ERI3: variants seen among roughly 807,000 people sequenced by gnomAD.
ERI3 encodes the protein ERI1 exoribonuclease family member 3, also known as ERI1 exoribonuclease 3.
ERI3 carries 18 observed loss-of-function variants against 44.4 expected under a neutral mutation model. The observed-to-expected ratio is 0.41, with a 90% CI of 0.28 to 0.60. ERI3 has a LOEUF of 0.60. ERI3 is among the 20% of genes least tolerant of loss of function. The pLI is 0.36. For missense variants in ERI3, 294 were observed against 435.5 expected (o/e 0.68, Z 2.89); for synonymous variants, 183 against 164.8 (o/e 1.11, Z -0.84).
At chr1:44,322,794 T>C (rs1281126554) in intron 3 of ERI3, 1 of 1,550,042 alleles carries the variant, frequency 6.5e-7, no homozygotes, top group East Asian at 2.4e-5. Flanking sequence ...AACAGCCCAG[T>C]AGTGGGAGAG....
intron 7 of ERI3, among the ~76,000 whole-genome samples, chr1:44,248,603 G>A (rs1644602779): frequency 6.6e-6 from 1 of 152,110 alleles, no homozygotes; most frequent in South Asian, 2.1e-4. Context: ...GAGCTTTGTG[G>A]TGGCTCAACT....
At chr1:44,297,505 A>C (rs1396819602) in intron 6 of ERI3, among the ~76,000 whole-genome samples, 1 of 151,494 alleles carries the variant, frequency 6.6e-6, no homozygotes, top group Non-Finnish European at 1.5e-5. Flanking sequence ...GGGGAATAAG[A>C]AGAATATGAT....
intron 7 of ERI3, among the ~76,000 whole-genome samples, chr1:44,277,333 C>G (rs1572171370): frequency 2.6e-5 from 4 of 152,302 alleles, no homozygotes; most frequent in Middle Eastern, 3.4e-3. Flanking sequence ...CTCCCTCCTG[C>G]ACCTTCAACA....
intron 2 of ERI3, among the ~76,000 whole-genome samples, chr1:44,351,379 AC>A (rs1030337336): frequency 2.0e-5 from 3 of 151,856 alleles, no homozygotes; most frequent in African/African-American, 4.8e-5. Flanking sequence ...ACTGCTTAAA[AC>A]CCTTTAATGG....
At chr1:44,305,574 G>A (rs993472355) in intron 6 of ERI3, among the ~76,000 whole-genome samples, 5 of 152,284 alleles carry the variant, frequency 3.3e-5, no homozygotes, top group East Asian at 1.9e-4. Context: ...CAAAGCCCAC[G>A]TAAACTTGGA....
intron 6 of ERI3, among the ~76,000 whole-genome samples, chr1:44,289,681 T>C (rs143112659): frequency 1.3e-5 from 2 of 152,332 alleles, no homozygotes; most frequent in African/African-American, 4.8e-5. Flanking sequence ...TGAGCCATAC[T>C]GGCTGGGCCG....
At chr1:44,234,382 G>A (rs915583562) in intron 8 of ERI3, among the ~76,000 whole-genome samples, 9 of 152,012 alleles carry the variant, frequency 5.9e-5, no homozygotes, top group African/African-American at 1.9e-4. Context: ...CTTAAAACCC[G>A]GGCTGGGCGT....
intron 2 of ERI3, 38 bp from the exon 3 acceptor site, chr1:44,339,360 A>T: frequency 6.9e-7 from 1 of 1,442,420 alleles, no homozygotes; most frequent in Non-Finnish European, 9.2e-7. Context: ...AAAAAAAAAG[A>T]AAAGAAAGAA....
intron 6 of ERI3, among the ~76,000 whole-genome samples, chr1:44,290,162 G>A (rs1162226988): frequency 6.6e-6 from 1 of 152,196 alleles, no homozygotes; most frequent in Non-Finnish European, 1.5e-5. Context: ...GGAGTGATGT[G>A]GGCTGGCAGT....
intron 8 of ERI3, among the ~76,000 whole-genome samples, chr1:44,226,098 G>A (rs1029612970): frequency 6.6e-6 from 1 of 152,122 alleles, no homozygotes; most frequent in African/African-American, 2.4e-5. Flanking sequence ...GGGGGAGGGA[G>A]CTAGCCCACC....
In ERI3 at chr1:44,351,661, G is replaced by A. The variant is rs1410733088; in HGVS notation, c.211+1189C>T. Among the ~76,000 whole-genome samples the A allele has an allele frequency of 2.6e-5, 4 of 152,012 alleles. No individual in the cohort carries two copies. In the East Asian group the frequency reaches 7.7e-4, roughly 29 times the overall value. On this transcript the variant is annotated intron_variant, in intron 2 of 8. Coordinates refer to ENST00000372257, the MANE Select transcript of ERI3 (RefSeq NM_024066.3). The stretch of plus-strand genomic sequence containing the variant: ...AATCTAATCTTTTTTCTACTCCCTG[G>A]TCTAATCCTAAGAGTTTATAAGGCT...
In ERI3 at chr1:44,241,109, T is replaced by C. The variant is rs1333330593; in HGVS notation, c.931+6830A>G. Among the ~76,000 whole-genome samples, 5 of 152,092 alleles carry C rather than the reference T, an allele frequency of 3.3e-5. No individual in the cohort carries two copies. The highest frequency in any genetic ancestry group is 9.7e-5 in the African/African-American group (4 of 41,416). ...AAGGCTGTCTGTGCCACTCTAGGGA[T>C]TGATTCTCAGGGTACCAGGAACTGG... On this transcript the variant is annotated intron_variant, in intron 8 of 8. Coordinates refer to ENST00000372257, the MANE Select transcript of ERI3 (RefSeq NM_024066.3). The surrounding 1 kb of genome is among the most constrained non-coding windows in gnomAD (Gnocchi z 5.6).
At chr1:44,295,562 C>G (rs984152969) in intron 6 of ERI3, among the ~76,000 whole-genome samples, 2 of 152,168 alleles carry the variant, frequency 1.3e-5, no homozygotes, top group Admixed American at 1.3e-4. Flanking sequence ...CTGGGGTCAG[C>G]ACCTTCAATG....
chr1:44,280,458 A>T (rs1458578722), intron 7 of ERI3, among the ~76,000 whole-genome samples: 1 of 152,192 alleles, frequency 6.6e-6, no homozygotes, highest in Non-Finnish European at 1.5e-5. Flanking sequence ...TGTGGTTCTC[A>T]ACCAAGGACA....
chr1:44,347,491 C>T (rs1308825225), intron 2 of ERI3, among the ~76,000 whole-genome samples: 4 of 152,152 alleles, frequency 2.6e-5, no homozygotes, highest in Non-Finnish European at 5.9e-5. Flanking sequence ...CTTTGGCAAA[C>T]GCTGCTCCCT....
At chr1:44,236,572 G>T (rs1013344018) in intron 8 of ERI3, among the ~76,000 whole-genome samples, 1 of 152,028 alleles carries the variant, frequency 6.6e-6, no homozygotes, top group South Asian at 2.1e-4. Context: ...TGGAAATATG[G>T]GGCTCTGGGG....
At chr1:44,317,308 C>A (rs1646110135) in intron 4 of ERI3, among the ~76,000 whole-genome samples, 3 of 152,206 alleles carry the variant, frequency 2.0e-5, no homozygotes, top group African/African-American at 7.2e-5. Context: ...TCCCCACCCG[C>A]AAAAGGCACC....
chr1:44,286,575 C>T (rs1035189640), intron 6 of ERI3, among the ~76,000 whole-genome samples: 2 of 151,882 alleles, frequency 1.3e-5, no homozygotes, highest in Admixed American at 6.6e-5. Context: ...GAGCAGAGGG[C>T]CCAGGCTAAT....
chr1:44,352,972 G>A, intron 1 of ERI3, 47 bp from the exon 2 acceptor site: 2 of 1,611,348 alleles, frequency 1.2e-6, no homozygotes, highest in Non-Finnish European at 1.7e-6. Context: ...TCAATACCAA[G>A]GATCAAATCC....
Sources: gnomAD v4.1 joint callset for allele counts (sites outside exome capture counted in the v4.1 genomes callset) on GRCh38, gnomAD v4.1.1 for gene constraint, Gnocchi (gnomAD v3.1) non-coding constraint, MANE v1.5 for transcripts, NCBI Gene and HGNC (gene_info 2026-07-23, HGNC 2026-07-21) for gene names.